The following SNX8 variants were observed in gnomAD, a reference collection of about 807,000 sequenced individuals.
The protein encoded by SNX8 is sorting nexin-8.
A neutral mutation model predicts 51.6 loss-of-function variants in SNX8; 25 were observed. The ratio of observed to expected loss-of-function variants is 0.48; its 90% confidence interval spans 0.35 to 0.68. The LOEUF (loss-of-function observed/expected upper bound fraction) is 0.68. SNX8 is among the 30% of genes least tolerant of loss of function. The pLI is 0.00. For missense variants in SNX8, 695 were observed against 624.0 expected (o/e 1.11, Z -1.21); for synonymous variants, 324 against 277.0 (o/e 1.17, Z -1.68).
chr7:2,262,237 G>T (rs569765288), intron 7 of SNX8, among the ~76,000 whole-genome samples: 108 of 152,194 alleles, frequency 7.1e-4, no homozygotes, highest in African/African-American at 2.2e-3. Flanking sequence ...ATGAGATCTT[G>T]CTCTGTTGCC....
At chr7:2,344,480 TG>T (rs1186057552) in intron 1 of SNX8, among the ~76,000 whole-genome samples, 3 of 149,662 alleles carry the variant, frequency 2.0e-5, no homozygotes, top group Non-Finnish European at 4.5e-5. Context: ...GGCGTGGTGG[TG>T]GGTGCCTGTA....
intron 1 of SNX8, among the ~76,000 whole-genome samples, chr7:2,328,058 T>C (rs1221907235): frequency 1.3e-5 from 2 of 151,986 alleles, no homozygotes; most frequent in Non-Finnish European, 2.9e-5. Flanking sequence ...TTTATTTGTT[T>C]GTTTGTTTTG....
At chr7:2,277,949 ACT>A in intron 2 of SNX8, 149 bp downstream of exon 2, 1 of 1,295,456 alleles carries the variant, frequency 7.7e-7, no homozygotes, top group Admixed American at 2.7e-5. Context: ...CCGCAGCCTG[ACT>A]CTGCTGCGAG....
intron 1 of SNX8, among the ~76,000 whole-genome samples, chr7:2,282,863 T>C (rs1795938401): frequency 6.6e-6 from 1 of 152,162 alleles, no homozygotes. Context: ...GGCTCACGCC[T>C]GTAATCCCAG....
At chr7:2,322,567 G>A (rs945027943) in intron 1 of SNX8, among the ~76,000 whole-genome samples, 4 of 152,062 alleles carry the variant, frequency 2.6e-5, no homozygotes, top group East Asian at 1.9e-4. Flanking sequence ...GGTGGCGCAC[G>A]CCTGTAATCC....
At chr7:2,270,291 C>G (rs1299466553) in intron 4 of SNX8, among the ~76,000 whole-genome samples, 3 of 112,914 alleles carry the variant, frequency 2.7e-5, no homozygotes, top group Non-Finnish European at 5.0e-5. Context: ...CCTTAAAGAT[C>G]ATCTGACTCA....
intron 5 of SNX8, 21 bp from the exon 6 acceptor site, chr7:2,264,479 G>A (rs560053822): frequency 2.2e-5 from 36 of 1,603,564 alleles, no homozygotes; most frequent in Admixed American, 2.2e-4. Flanking sequence ...GATGGGGGGA[G>A]AGACACTGTG....
Position 2,311,806 on chromosome 7 carries a change from G to A in SNX8, c.94+2522C>T, listed in dbSNP as rs535033385. 5.3e-5 allele frequency among the ~76,000 whole-genome samples: 8 copies of A among 151,934 alleles called. No individual in the cohort carries two copies. In the South Asian group the frequency reaches 1.5e-3, roughly 28 times the overall value. On this transcript the variant is annotated intron_variant, in intron 1 of 10. Coordinates refer to ENST00000222990, the MANE Select transcript of SNX8 (RefSeq NM_013321.4). ...CAAAAAATTAGCCGGGCGTGGTGGCGGGCGCCTGTAGTCCCAGCTACTCGG... is the reference window on the plus strand; with the variant it reads ...CAAAAAATTAGCCGGGCGTGGTGGCAGGCGCCTGTAGTCCCAGCTACTCGG...
At chr7:2,262,131 G>A (rs1157191320) in intron 7 of SNX8, among the ~76,000 whole-genome samples, 1 of 152,172 alleles carries the variant, frequency 6.6e-6, no homozygotes, top group Non-Finnish European at 1.5e-5. Flanking sequence ...TCTACCTCTT[G>A]GGTTCAGGTG....
chr7:2,353,465 G>A (rs7809328), intron 1 of SNX8, among the ~76,000 whole-genome samples: 12 of 151,396 alleles, frequency 7.9e-5, no homozygotes, highest in African/African-American at 2.7e-4. Flanking sequence ...TTATTTTTTC[G>A]AAGACAGGGT....
chr7:2,255,064 G>A lies in SNX8; in HGVS notation c.1390C>T (p.Pro464Ser), dbSNP rs1341605243. The change falls in exon 11 of 11, where the codon CCT becomes TCT. Residue 464 changes from proline (P) to serine (S), a missense_variant. By Grantham distance (74) the Pro-to-Ser change is moderately conservative (BLOSUM62 -1). Transcript: ENST00000222990. ...CACCTCAGCCTCAGGCGCTAGTGAG[G>A]ACACAGGCCGTCCTCCGGCGGGGAG... ...PCSPPEDGLC[P>S]H 8.3e-6 allele frequency: 13 copies of A among 1,565,880 alleles called. No homozygotes were observed. The highest frequency in any genetic ancestry group is 1.1e-5 in the Non-Finnish European group (13 of 1,155,096).
At chr7:2,321,346 G>A (rs988970785) in intron 1 of SNX8, among the ~76,000 whole-genome samples, 9 of 152,086 alleles carry the variant, frequency 5.9e-5, no homozygotes, top group African/African-American at 1.2e-4. Flanking sequence ...AATGTGCACC[G>A]ACACGTCTGC....
At chr7:2,339,815 C>A (rs773224665) in intron 1 of SNX8, among the ~76,000 whole-genome samples, 2 of 151,932 alleles carry the variant, frequency 1.3e-5, no homozygotes, top group African/African-American at 2.4e-5. Context: ...TAAATAAGAA[C>A]ACGTAGATTT....
At chr7:2,300,055 C>G (rs148356006) in intron 1 of SNX8, among the ~76,000 whole-genome samples, 89 of 152,274 alleles carry the variant, frequency 5.8e-4, no homozygotes, top group African/African-American at 2.0e-3. Context: ...CAGAAGTCAG[C>G]AAGAACAAAT....
At chr7:2,345,881 C>G (rs1450538310) in intron 1 of SNX8, among the ~76,000 whole-genome samples, 1 of 152,020 alleles carries the variant, frequency 6.6e-6, no homozygotes, top group African/African-American at 2.4e-5. Context: ...GATCTCAGCT[C>G]ACTGCAACTT....
At chr7:2,309,347 G>A (rs1796614330) in intron 1 of SNX8, among the ~76,000 whole-genome samples, 1 of 152,118 alleles carries the variant, frequency 6.6e-6, no homozygotes, top group African/African-American at 2.4e-5. Flanking sequence ...CCAACATGGC[G>A]AAACTTCGTC....
At chr7:2,277,756 G>A (rs892540148) in intron 2 of SNX8, among the ~76,000 whole-genome samples, 20 of 151,862 alleles carry the variant, frequency 1.3e-4, no homozygotes, top group South Asian at 6.2e-4. Flanking sequence ...GCAGTGAGCC[G>A]AGATCATGCC....
chr7:2,330,374 G>C (rs1036108320), intron 1 of SNX8, among the ~76,000 whole-genome samples: 1 of 151,806 alleles, frequency 6.6e-6, no homozygotes, highest in African/African-American at 2.4e-5. Context: ...CCAACCTCAA[G>C]TGATCTGCCC....
intron 1 of SNX8, among the ~76,000 whole-genome samples, chr7:2,293,235 C>T (rs538769762): frequency 1.4e-3 from 202 of 148,202 alleles, no homozygotes; most frequent in Admixed American, 3.0e-3. Context: ...CCACCTCGGC[C>T]TCCCAAAGTG....
Sources: gnomAD v4.1 joint callset for allele counts (sites outside exome capture counted in the v4.1 genomes callset) on GRCh38, gnomAD v4.1.1 for gene constraint, MANE v1.5 for transcripts, NCBI Gene and HGNC (gene_info 2026-07-23, HGNC 2026-07-21) for gene names.